The following EIF2AK4 variants were observed in gnomAD, a reference collection of about 807,000 sequenced individuals.
EIF2AK4 encodes eIF-2-alpha kinase GCN2.
In EIF2AK4, 139 loss-of-function variants were observed where a neutral mutation model predicts 211.1. That is an observed-to-expected ratio of 0.66 (90% CI 0.57 to 0.76). EIF2AK4 has a LOEUF of 0.76. Among genes scored for constraint, EIF2AK4 ranks in the 30% least tolerant of loss-of-function variants. EIF2AK4 has a pLI of 0.00. For synonymous variants in EIF2AK4, 710 were observed against 751.3 expected (o/e 0.94, Z 0.90); for missense variants, 1,664 against 2,043.8 (o/e 0.81, Z 3.58).
At chr15:39,995,389 A>G (rs953722941) in intron 18 of EIF2AK4, among the ~76,000 whole-genome samples, 1 of 151,804 alleles carries the variant, frequency 6.6e-6, no homozygotes, top group Non-Finnish European at 1.5e-5. Flanking sequence ...ATTGCTTGAA[A>G]ATGTTTTCCA....
intron 13 of EIF2AK4, among the ~76,000 whole-genome samples, chr15:39,985,321 G>A (rs1275303861): frequency 1.3e-5 from 2 of 151,962 alleles, no homozygotes; most frequent in African/African-American, 4.8e-5. Flanking sequence ...TTCTTTTTTT[G>A]TTGTGTCTCT....
chr15:40,001,058 G>A lies in EIF2AK4; in HGVS notation c.2993G>A (p.Ser998Asn). The change falls in exon 21 of 39, where the codon AGT becomes AAT. Residue 998 changes from serine to asparagine, a missense_variant. Transcript: ENST00000263791. The stretch of plus-strand genomic sequence containing the variant: ...CCCACAGCCACAGAACTGCTCAAGA[G>A]TGAGCTGCTGCCCCCACCCCAGATG... Reference protein sequence around the residue: ...KRPTATELLKSELLPPPQMEE... With the variant: ...KRPTATELLKNELLPPPQMEE... 6.2e-7 allele frequency: 1 copy of A among 1,614,212 alleles called. No individual in the cohort carries two copies. The highest frequency in any genetic ancestry group is 8.5e-7 in the Non-Finnish European group (1 of 1,180,034).
intron 13 of EIF2AK4, among the ~76,000 whole-genome samples, chr15:39,981,100 A>G (rs994882300): frequency 6.6e-6 from 1 of 152,170 alleles, no homozygotes; most frequent in African/African-American, 2.4e-5. Context: ...TGTTGGCTGC[A>G]GTGGCTCACA....
intron 2 of EIF2AK4, among the ~76,000 whole-genome samples, chr15:39,942,619 T>G (rs1350189071): frequency 6.6e-6 from 1 of 152,204 alleles, no homozygotes; most frequent in African/African-American, 2.4e-5. Context: ...GAGTTGTTAT[T>G]GGATATTTAT....
At chr15:39,938,469 G>A (rs1053330519) in intron 1 of EIF2AK4, among the ~76,000 whole-genome samples, 1 of 152,212 alleles carries the variant, frequency 6.6e-6, no homozygotes, top group Admixed American at 6.5e-5. Context: ...TAAGGTTCAC[G>A]TTATAAATTT....
At chr15:40,012,707 A>C (rs2035250595) in intron 27 of EIF2AK4, among the ~76,000 whole-genome samples, 1 of 152,196 alleles carries the variant, frequency 6.6e-6, no homozygotes, top group African/African-American at 2.4e-5. Flanking sequence ...ATTCGGACGT[A>C]ATAGCCACAT....
At chr15:40,009,570 A>T in intron 25 of EIF2AK4, 44 bp from the exon 26 acceptor site, 2 of 1,270,768 alleles carry the variant, frequency 1.6e-6, no homozygotes, top group East Asian at 2.4e-5. Flanking sequence ...ATGTACCAGT[A>T]ATTGCTTTTA....
intron 31 of EIF2AK4, 95 bp downstream of exon 31, chr15:40,021,122 A>C: frequency 1.5e-6 from 2 of 1,375,012 alleles, no homozygotes; most frequent in Non-Finnish European, 1.9e-6. Context: ...AACTCTGTTT[A>C]TCTCTGTAAT....
At chr15:40,000,442 T>G (rs1052280331) in intron 20 of EIF2AK4, among the ~76,000 whole-genome samples, 2 of 152,212 alleles carry the variant, frequency 1.3e-5, no homozygotes, top group African/African-American at 4.8e-5. Flanking sequence ...TTAGATTGCC[T>G]TCATATGGTT....
intron 6 of EIF2AK4, among the ~76,000 whole-genome samples, chr15:39,959,539 C>T (rs1337910934): frequency 5.9e-5 from 9 of 152,124 alleles, no homozygotes; most frequent in Non-Finnish European, 1.3e-4. Flanking sequence ...ATCTTACAGC[C>T]ATCAACACTC....
At chr15:39,934,890 T>C (rs902349963) in intron 1 of EIF2AK4, among the ~76,000 whole-genome samples, 3 of 152,218 alleles carry the variant, frequency 2.0e-5, no homozygotes, top group Non-Finnish European at 4.4e-5. Context: ...TGCACCTTCC[T>C]CTAAGACATT....
At chr15:39,951,336 T>C (rs550278377) in intron 4 of EIF2AK4, 2 of 188,866 alleles carry the variant, frequency 1.1e-5, no homozygotes, top group African/African-American at 2.4e-5. Flanking sequence ...GATTACAGGC[T>C]TGAGCCACCA....
At chr15:40,008,645 G>A (rs553164132) in intron 25 of EIF2AK4, among the ~76,000 whole-genome samples, 10 of 151,954 alleles carry the variant, frequency 6.6e-5, no homozygotes, top group Admixed American at 2.6e-4. Context: ...TCCTGCCACC[G>A]TCAGTCAAAT....
chr15:39,993,417 T>A (rs2034977984), intron 18 of EIF2AK4, among the ~76,000 whole-genome samples: 1 of 151,976 alleles, frequency 6.6e-6, no homozygotes, highest in African/African-American at 2.4e-5. Context: ...TGGAACTGAG[T>A]GACAAAGAGA....
chr15:39,986,291 T>C (rs1433073083), intron 14 of EIF2AK4, among the ~76,000 whole-genome samples: 1 of 152,266 alleles, frequency 6.6e-6, no homozygotes, highest in Non-Finnish European at 1.5e-5. Flanking sequence ...CCATAAGTGC[T>C]AGACTGCATG....
intron 28 of EIF2AK4, 86 bp from the exon 29 acceptor site, chr15:40,017,022 T>C: frequency 1.3e-6 from 2 of 1,527,832 alleles, no homozygotes; most frequent in Admixed American, 1.7e-5. Context: ...TCTGATGCTA[T>C]TGATGGGAAA....
chr15:39,972,328 C>T (rs59551980), intron 9 of EIF2AK4, among the ~76,000 whole-genome samples: 2,158 of 144,850 alleles, frequency 0.015, 15 homozygotes, highest in African/African-American at 0.026. Flanking sequence ...GCAGCCTGGG[C>T]GATACGGCAA....
chr15:39,967,330 T>C lies in EIF2AK4; in HGVS notation c.1018-14T>C. The C allele has an allele frequency of 6.5e-7, 1 of 1,544,002 alleles. No individual in the cohort carries two copies. Among genetic ancestry groups the C allele is most frequent in the South Asian group, 1.2e-5 (1 of 81,758 alleles). On this transcript the variant is annotated splice_polypyrimidine_tract_variant and intron_variant, in intron 8 of 38. Coordinates refer to ENST00000263791, the MANE Select transcript of EIF2AK4 (RefSeq NM_001013703.4). ...CTGGCCCAATATTCTTTTTTTTTTT[T>C]TTTAACTTATCAGATTCAAGGAACA...
Position 39,939,545 on chromosome 15 carries a change from A to T in EIF2AK4, c.185A>T (p.Gln62Leu). ...GAAATCAATTTAGTTTTGTACCCTC[A>T]AGGCCTAACTGGTGAAGAAGTATAT... Reference protein sequence around the residue: ...PPEINLVLYPQGLTGEEVYVK... With the variant: ...PPEINLVLYPLGLTGEEVYVK... Residue 62 changes from glutamine to leucine, a missense_variant, in exon 2 of 39, where the codon CAA becomes CTA. Gln to Leu is a moderately radical substitution (Grantham distance 113). This residue lies in a region of EIF2AK4 where 641 missense variants were observed against 729.6 expected (regional missense o/e 0.88). Transcript: ENST00000263791. 6.2e-7 allele frequency: 1 copy of T among 1,612,548 alleles called. No individual in the cohort carries two copies. Among genetic ancestry groups the T allele is most frequent in the Non-Finnish European group, 8.5e-7 (1 of 1,179,078 alleles).
Sources: allele counts gnomAD v4.1 joint callset (sites outside exome capture counted in the v4.1 genomes callset), GRCh38; gene constraint gnomAD v4.1.1; regional missense constraint gnomAD v4.1.1; transcripts MANE v1.5; gene names NCBI Gene and HGNC (gene_info 2026-07-23, HGNC 2026-07-21).